The following FAM169A variants were observed in gnomAD, a reference collection of about 807,000 sequenced individuals.
The protein encoded by FAM169A is soluble lamin-associated protein of 75 kDa.
In FAM169A, 24 loss-of-function variants were observed where a neutral mutation model predicts 75.7. The ratio of observed to expected loss-of-function variants is 0.32; its 90% confidence interval spans 0.23 to 0.45. The LOEUF (loss-of-function observed/expected upper bound fraction) is 0.45. Ranked by LOEUF, FAM169A falls within the 20% of genes least tolerant of loss-of-function variation. The pLI, the probability that FAM169A is intolerant of heterozygous loss-of-function variation, is 1.00. For missense variants in FAM169A, 673 were observed against 784.0 expected (o/e 0.86, Z 1.69); for synonymous variants, 271 against 271.0 (o/e 1.00, Z 0.00).
At chr5:74,814,094 C>CTTAA (rs909079227) in intron 5 of FAM169A, 75 bp from the exon 6 acceptor site, 79 of 1,230,148 alleles carry the variant, frequency 6.4e-5, no homozygotes, top group Non-Finnish European at 7.5e-5. Flanking sequence ...CATGAGTTAA[C>CTTAA]AGTCTTTCTA....
At chr5:74,842,762 A>G (rs567883298) in intron 1 of FAM169A, among the ~76,000 whole-genome samples, 1 of 152,112 alleles carries the variant, frequency 6.6e-6, no homozygotes, top group East Asian at 1.9e-4. Flanking sequence ...GGGAAACACT[A>G]AAGGTTTTAA....
At chr5:74,858,775 C>T (rs182392134) in intron 1 of FAM169A, among the ~76,000 whole-genome samples, 1 of 152,144 alleles carries the variant, frequency 6.6e-6, no homozygotes, top group Admixed American at 6.5e-5. Context: ...AATTTGGGTA[C>T]TTTTTTGCTA....
rs566553812 is a variant in FAM169A, at chr5:74,855,108, C to T, written c.-4+11057G>A. ...ATGAGGGTTCAATTTTCTCCACATC[C>T]TCACCAGCATTCGTTACTGCCTGTC... On this transcript the variant is annotated intron_variant, in intron 1 of 12. Coordinates refer to ENST00000687041, the MANE Select transcript of FAM169A (RefSeq NM_001376049.1). Among the ~76,000 whole-genome samples, 59 of 152,322 alleles carry T rather than the reference C, an allele frequency of 3.9e-4. 1 individual carries two copies. The South Asian group carries it at 0.012, about 30-fold the overall frequency.
intron 4 of FAM169A, 83 bp downstream of exon 4, chr5:74,838,882 A>C: frequency 6.7e-5 from 59 of 884,092 alleles, no homozygotes; most frequent in Middle Eastern, 2.2e-4. Context: ...TAAATGGGGA[A>C]GAGCTCAAAA....
intron 1 of FAM169A, among the ~76,000 whole-genome samples, chr5:74,861,808 T>C (rs1053416648): frequency 6.6e-6 from 1 of 152,226 alleles, no homozygotes; most frequent in Non-Finnish European, 1.5e-5. Flanking sequence ...TTCATTGATA[T>C]CATTAACAAA....
intron 6 of FAM169A, among the ~76,000 whole-genome samples, chr5:74,810,390 A>G (rs752592130): frequency 2.0e-5 from 3 of 152,136 alleles, no homozygotes; most frequent in Admixed American, 2.0e-4. Context: ...TTGCGTCTAC[A>G]GTAGCAAGGG....
At chr5:74,798,426 G>C (rs971919344) in intron 10 of FAM169A, among the ~76,000 whole-genome samples, 1 of 152,054 alleles carries the variant, frequency 6.6e-6, no homozygotes, top group African/African-American at 2.4e-5. Flanking sequence ...TGCTCAGTGA[G>C]AAAACCACAG....
chr5:74,847,323 A>G (rs561602803), intron 1 of FAM169A, among the ~76,000 whole-genome samples: 25 of 142,282 alleles, frequency 1.8e-4, no homozygotes, highest in Non-Finnish European at 3.6e-4. Flanking sequence ...GGTAACCTCT[A>G]TTTTACTTCC....
At position 74,782,943 on chromosome 5, in the gene FAM169A, A is replaced by G; in HGVS notation, c.1452T>C (p.Asp484=). 1 of 1,611,932 alleles carries G rather than the reference A, an allele frequency of 6.2e-7. No homozygotes were observed. Among genetic ancestry groups the G allele is most frequent in the Non-Finnish European group, 8.5e-7 (1 of 1,178,228 alleles). The part of the protein sequence containing the change: ...VVESSKPPEV[D]APDKTPRIPD... Reference sequence around the variant, plus strand: ...ATTGCCCCCTTACCTTATCTGGTGCATCTACCTCAGGGGGTTTTGAAGATT... The same window carrying G: ...ATTGCCCCCTTACCTTATCTGGTGCGTCTACCTCAGGGGGTTTTGAAGATT... The change falls in exon 12 of 13, where the codon GAT becomes GAC. Residue 484 remains aspartate, a synonymous_variant. Coordinates refer to ENST00000687041, the MANE Select transcript of FAM169A (RefSeq NM_001376049.1).
chr5:74,856,441 G>A (rs1480671550), intron 1 of FAM169A, among the ~76,000 whole-genome samples: 1 of 151,810 alleles, frequency 6.6e-6, no homozygotes, highest in Non-Finnish European at 1.5e-5. Flanking sequence ...CATTTTTTAT[G>A]TACTCTTCAA....
At chr5:74,824,013 C>T (rs1439015885) in intron 5 of FAM169A, among the ~76,000 whole-genome samples, 1 of 151,970 alleles carries the variant, frequency 6.6e-6, no homozygotes, top group Admixed American at 6.6e-5. Context: ...GGATATAGCC[C>T]CTAGTAAAAG....
At chr5:74,803,365 GA>G (rs894201231) in intron 8 of FAM169A, among the ~76,000 whole-genome samples, 7 of 150,562 alleles carry the variant, frequency 4.6e-5, no homozygotes, top group Admixed American at 2.0e-4. Context: ...CCAAAAGTAG[GA>G]AAAAAAAATC....
chr5:74,779,787 T>C lies in FAM169A; in HGVS notation c.*1673A>G, dbSNP rs1285849037. The C allele has an allele frequency of 6.6e-6, 1 of 152,206 alleles. No homozygotes were observed. The highest frequency in any genetic ancestry group is 1.5e-5 in the Non-Finnish European group (1 of 68,030). The allele number at this position is 152,206 out of a possible 1,614,324, so 9.4% of individuals were successfully genotyped here. ...ACACAAATAGGAGCGTTTACTATTT[T>C]TGTCTGCTTTAAGATTTTAACTTGA... On this transcript the variant is annotated 3_prime_UTR_variant, in exon 13 of 13. Coordinates refer to ENST00000687041, the MANE Select transcript of FAM169A (RefSeq NM_001376049.1).
At chr5:74,838,730 C>T (rs1441513476) in intron 4 of FAM169A, among the ~76,000 whole-genome samples, 1 of 152,168 alleles carries the variant, frequency 6.6e-6, no homozygotes, top group East Asian at 1.9e-4. Context: ...GTAGCCAAAG[C>T]TCAACTAACC....
intron 1 of FAM169A, among the ~76,000 whole-genome samples, chr5:74,861,574 G>A (rs1003162071): frequency 6.6e-5 from 10 of 152,076 alleles, no homozygotes; most frequent in African/African-American, 1.9e-4. Context: ...AATCAGCCAG[G>A]CGTGCTGATG....
At chr5:74,789,028 A>G (rs1745839063) in intron 11 of FAM169A, among the ~76,000 whole-genome samples, 1 of 152,206 alleles carries the variant, frequency 6.6e-6, no homozygotes, top group Admixed American at 6.5e-5. Context: ...TCCTGTCCAT[A>G]AGGCCCACCA....
At chr5:74,861,644 G>A (rs1304442254) in intron 1 of FAM169A, among the ~76,000 whole-genome samples, 1 of 152,106 alleles carries the variant, frequency 6.6e-6, no homozygotes, top group African/African-American at 2.4e-5. Flanking sequence ...GAACCTAGAA[G>A]GCAGAAGCTG....
chr5:74,841,550 T>C lies in FAM169A; in HGVS notation c.127A>G (p.Ile43Val). ...ATCACTGCAGAACACCTTACCGTAA[T>C]ATTGAGAAGAGAAAAACACTCTGGA... ...ENPECFSLLN[I>V]TIPISLSNVG... The change falls in exon 2 of 13, where the codon ATT becomes GTT. Residue 43 changes from isoleucine (I) to valine (V), a missense_variant. Around this residue, in one of 3 missense-constraint regions of FAM169A, gnomAD observed 56 missense variants for 52.2 expected, o/e 1.07. Transcript: ENST00000687041. 1 of 1,611,710 alleles carries C rather than the reference T, an allele frequency of 6.2e-7. No individual in the cohort carries two copies. The highest frequency in any genetic ancestry group is 8.5e-7 in the Non-Finnish European group (1 of 1,178,554).
chr5:74,817,289 T>A (rs527312184), intron 5 of FAM169A, among the ~76,000 whole-genome samples: 1 of 151,836 alleles, frequency 6.6e-6, no homozygotes, highest in South Asian at 2.1e-4. Flanking sequence ...ATCTTACATA[T>A]AGAAAATCCT....
Sources: allele counts gnomAD v4.1 joint callset (sites outside exome capture counted in the v4.1 genomes callset), GRCh38; gene constraint gnomAD v4.1.1; regional missense constraint gnomAD v4.1.1; transcripts MANE v1.5; gene names NCBI Gene and HGNC (gene_info 2026-07-23, HGNC 2026-07-21).